Variants in TMEM132D observed in about 807,000 individuals in gnomAD.
The protein encoded by TMEM132D is transmembrane protein 132D, also known as mature OL transmembrane protein.
TMEM132D carries 21 observed loss-of-function variants against 62.3 expected under a neutral mutation model. The ratio of observed to expected loss-of-function variants is 0.34; its 90% CI spans 0.24 to 0.49. The LOEUF (loss-of-function observed/expected upper bound fraction) is 0.49, where lower values mean the gene tolerates loss of function less well. Among genes scored for constraint, TMEM132D ranks in the 20% least tolerant of loss-of-function variants. TMEM132D has a pLI of 0.99. For missense variants in TMEM132D, 1,346 were observed against 1,402.8 expected, an observed-to-expected ratio of 0.96 and a Z score of 0.65; for synonymous variants, 621 against 575.6, an observed-to-expected ratio of 1.08 and a Z score of -1.13.
At chr12:129,148,298 T>C (rs1876972083) in intron 5 of TMEM132D, among the ~76,000 whole-genome samples, 1 of 152,196 alleles carries the variant, frequency 6.6e-6, no homozygotes, top group Non-Finnish European at 1.5e-5. Flanking sequence ...TCCAAATTGC[T>C]GGAACCGGTA....
chr12:129,678,836 C>T (rs778505245), intron 2 of TMEM132D, among the ~76,000 whole-genome samples: 1 of 152,000 alleles, frequency 6.6e-6, no homozygotes, highest in Non-Finnish European at 1.5e-5. Flanking sequence ...CCTTTTTTCT[C>T]ATTTGGATAA....
At chr12:129,487,812 C>T (rs1489131614) in intron 3 of TMEM132D, among the ~76,000 whole-genome samples, 2 of 151,712 alleles carry the variant, frequency 1.3e-5, no homozygotes, top group African/African-American at 4.8e-5. Flanking sequence ...TGGCAGGCAC[C>T]TGTAGTCCCA....
chr12:129,627,847 C>T (rs772552962), intron 2 of TMEM132D, among the ~76,000 whole-genome samples: 6 of 151,894 alleles, frequency 4.0e-5, no homozygotes, highest in Non-Finnish European at 5.9e-5. Context: ...ATTAGCCGGG[C>T]GTGGTGGCGC....
chr12:129,899,407 A>G (rs1349300508), intron 1 of TMEM132D, among the ~76,000 whole-genome samples: 1 of 44,222 alleles, frequency 2.3e-5, no homozygotes, highest in Non-Finnish European at 5.1e-5. Flanking sequence ...GGATGGATGC[A>G]TGGATGGATG....
intron 2 of TMEM132D, among the ~76,000 whole-genome samples, chr12:129,595,652 TC>T (rs1565916792): frequency 6.6e-6 from 1 of 152,228 alleles, no homozygotes; most frequent in African/African-American, 2.4e-5. Flanking sequence ...CCATCTGTGT[TC>T]CTGCAATTTG....
chr12:129,739,580 T>C (rs574958288), intron 1 of TMEM132D, among the ~76,000 whole-genome samples: 2 of 152,324 alleles, frequency 1.3e-5, no homozygotes, highest in East Asian at 3.9e-4. Context: ...CTAATCAAAA[T>C]TCCTTTATGG....
chr12:129,420,508 AG>A (rs1872286708), intron 3 of TMEM132D, among the ~76,000 whole-genome samples: 1 of 152,066 alleles, frequency 6.6e-6, no homozygotes, highest in South Asian at 2.1e-4. Flanking sequence ...AGAAAACAGC[AG>A]GGGAAAAATT....
Position 129,788,551 on chromosome 12 carries a change from C to A in TMEM132D, c.80-87853G>T, listed in dbSNP as rs912818880. On this transcript the variant is annotated intron_variant, in intron 1 of 8. Transcript: ENST00000422113. ...ATCAAACTGAAAGTAGAAGAAAAATCAACGTGGATGTCTCAAGTATTCAAA... is the reference window on the plus strand; with the variant it reads ...ATCAAACTGAAAGTAGAAGAAAAATAAACGTGGATGTCTCAAGTATTCAAA... Among the ~76,000 whole-genome samples, 13 of 152,200 alleles carry A rather than the reference C, an allele frequency of 8.5e-5. 1 individual carries two copies. In the South Asian group the frequency reaches 1.2e-3, roughly 15 times the overall value.
At chr12:129,762,272 G>A (rs1268272655) in intron 1 of TMEM132D, among the ~76,000 whole-genome samples, 1 of 152,042 alleles carries the variant, frequency 6.6e-6, no homozygotes, top group African/African-American at 2.4e-5. Flanking sequence ...ATTGACTAAA[G>A]TATTTCAAAA....
chr12:129,117,907 C>A (rs993003510), intron 5 of TMEM132D, among the ~76,000 whole-genome samples: 1 of 152,154 alleles, frequency 6.6e-6, no homozygotes, highest in Non-Finnish European at 1.5e-5. Flanking sequence ...GAGTTGGTAT[C>A]AACTCATGGC....
chr12:129,442,305 C>T (rs774600001), intron 3 of TMEM132D, among the ~76,000 whole-genome samples: 7 of 152,158 alleles, frequency 4.6e-5, no homozygotes, highest in Non-Finnish European at 1.0e-4. Flanking sequence ...GAGCACCGTG[C>T]GGGCAACACC....
intron 3 of TMEM132D, among the ~76,000 whole-genome samples, chr12:129,365,680 G>A (rs1283030389): frequency 6.6e-6 from 1 of 152,148 alleles, no homozygotes; most frequent in Non-Finnish European, 1.5e-5. Context: ...CTGCGTGTAA[G>A]AGGATCCCAG....
At chr12:129,282,388 G>T (rs1881181838) in intron 4 of TMEM132D, among the ~76,000 whole-genome samples, 1 of 152,160 alleles carries the variant, frequency 6.6e-6, no homozygotes, top group Admixed American at 6.5e-5. Context: ...CTGCATGAAA[G>T]TGAGGTTGGG....
At chr12:129,614,597 T>C (rs1167372757) in intron 2 of TMEM132D, among the ~76,000 whole-genome samples, 1 of 152,186 alleles carries the variant, frequency 6.6e-6, no homozygotes, top group East Asian at 1.9e-4. Context: ...AGTCCAAAAT[T>C]CTTCAAGGAA....
chr12:129,206,494 G>A lies in TMEM132D; in HGVS notation c.1443+3026C>T, dbSNP rs149510715. Among the ~76,000 whole-genome samples, 192 of 152,224 alleles carry A rather than the reference G, an allele frequency of 1.3e-3. 1 individual carries two copies. Among genetic ancestry groups the A allele is most frequent in the South Asian group, 3.9e-3 (19 of 4,822 alleles). ...TGTGGAGAAAAGGGAATGCTGATAC[G>A]GTGCTGGTGGGAATGCAAATTAGTT... On this transcript the variant is annotated intron_variant, in intron 5 of 8. Coordinates refer to ENST00000422113, the MANE Select transcript of TMEM132D (RefSeq NM_133448.3).
At chr12:129,337,470 CACAT>C (rs878873264) in intron 4 of TMEM132D, among the ~76,000 whole-genome samples, 160 bp downstream of exon 4, 342 of 150,106 alleles carry the variant, frequency 2.3e-3, no homozygotes, top group Middle Eastern at 6.8e-3. Flanking sequence ...CACACACACA[CACAT>C]AACGATTGGC....
intron 1 of TMEM132D, among the ~76,000 whole-genome samples, chr12:129,755,137 G>A (rs1870123743): frequency 6.6e-6 from 1 of 152,226 alleles, no homozygotes; most frequent in Non-Finnish European, 1.5e-5. Context: ...TTCACACACA[G>A]TGAAGCCACA....
At chr12:129,083,749 T>G (rs138752841) in intron 6 of TMEM132D, among the ~76,000 whole-genome samples, 64 of 152,338 alleles carry the variant, frequency 4.2e-4, no homozygotes, top group African/African-American at 1.4e-3. Context: ...GCAATCAACA[T>G]GTCCCTAATA....
chr12:129,501,468 T>C (rs1030451342), intron 3 of TMEM132D, among the ~76,000 whole-genome samples: 1 of 152,170 alleles, frequency 6.6e-6, no homozygotes, highest in Non-Finnish European at 1.5e-5. Context: ...TAGAAATACA[T>C]GGGAACAATT....
Sources: allele counts gnomAD v4.1 joint callset (sites outside exome capture counted in the v4.1 genomes callset), GRCh38; gene constraint gnomAD v4.1.1; transcripts MANE v1.5; gene names NCBI Gene and HGNC (gene_info 2026-07-23, HGNC 2026-07-21).